RAB37: variants seen among roughly 807,000 people sequenced by gnomAD.
The protein encoded by RAB37 is ras-related protein Rab-37.
RAB37 carries 29 observed loss-of-function variants against 33.1 expected under a neutral mutation model. That is an observed-to-expected ratio of 0.88 (90% confidence interval 0.65 to 1.20). RAB37 has a LOEUF of 1.20. Ranked by LOEUF, RAB37 falls within the 50% of genes most tolerant of loss-of-function variation. The pLI, the probability that RAB37 is intolerant of heterozygous loss-of-function variation, is 0.00. For synonymous variants in RAB37, 128 were observed against 119.5 expected (o/e 1.07, Z -0.47); for missense variants, 299 against 301.1 (o/e 0.99, Z 0.05).
intron 1 of RAB37, among the ~76,000 whole-genome samples, chr17:74,674,403 G>T (rs1198076147): frequency 6.6e-6 from 1 of 150,622 alleles, no homozygotes; most frequent in African/African-American, 2.4e-5. Context: ...TTTTTAAATA[G>T]ACTTGTTATT....
At chr17:74,722,816 T>G (rs2034259196) in intron 1 of RAB37, among the ~76,000 whole-genome samples, 1 of 152,208 alleles carries the variant, frequency 6.6e-6, no homozygotes, top group Non-Finnish European at 1.5e-5. Context: ...CCAAAACATT[T>G]TTATTGCAGC....
intron 1 of RAB37, among the ~76,000 whole-genome samples, chr17:74,703,318 T>A (rs1203263904): frequency 6.6e-6 from 1 of 152,014 alleles, no homozygotes; most frequent in South Asian, 2.1e-4. Flanking sequence ...CAGAGCCTCA[T>A]AGGCAGGTGG....
intron 1 of RAB37, among the ~76,000 whole-genome samples, chr17:74,688,790 G>C (rs149519223): frequency 1.3e-5 from 2 of 152,234 alleles, no homozygotes; most frequent in African/African-American, 2.4e-5. Context: ...GAAAGATTTT[G>C]CAATCAGGTG....
chr17:74,695,328 G>A, intron 1 of RAB37: 1 of 1,537,970 alleles, frequency 6.5e-7, no homozygotes, highest in Non-Finnish European at 8.9e-7. Flanking sequence ...CCTCGGAGGA[G>A]GATAGTGGGG....
rs1221733219 is a variant in RAB37, at chr17:74,745,524, C to T, written c.*113C>T. 2 of 814,828 alleles carry T rather than the reference C, an allele frequency of 2.5e-6. No homozygotes were observed. Among genetic ancestry groups the T allele is most frequent in the Admixed American group, 2.2e-5 (1 of 45,056 alleles). 50.5% of individuals were successfully genotyped at this position (814,828 alleles called of 1,614,324 possible). ...AATGGGGAGAAAGATGGAGGACTCACTGCACAGCCGCTTCCTAGCAGGGAG... is the reference window on the plus strand; with the variant it reads ...AATGGGGAGAAAGATGGAGGACTCATTGCACAGCCGCTTCCTAGCAGGGAG... On this transcript the variant is annotated 3_prime_UTR_variant, in exon 9 of 9. Coordinates refer to ENST00000392613, the MANE Select transcript of RAB37 (RefSeq NM_001006638.3). This position sits in a 1 kb window ranked among gnomAD's most constrained non-coding sequence, Gnocchi z 4.5.
In RAB37 at chr17:74,746,162, C is replaced by T. The variant is rs1290358324; in HGVS notation, c.*751C>T. 6.6e-6 allele frequency: 1 copy of T among 152,232 alleles called. No individual in the cohort carries two copies. The highest frequency in any genetic ancestry group is 2.4e-5 in the African/African-American group (1 of 41,442). The allele number at this position is 152,232 out of a possible 1,614,324, so 9.4% of individuals were successfully genotyped here. On this transcript the variant is annotated 3_prime_UTR_variant, in exon 9 of 9. Transcript: ENST00000392613. This position sits in a 1 kb window ranked among gnomAD's most constrained non-coding sequence, Gnocchi z 5.2. ...GGGAGCCCCTCCCCCCCCTGAATCC[C>T]TGGCTTAGCTACCTTCCTGCCTGTG...
intron 2 of RAB37, among the ~76,000 whole-genome samples, chr17:74,741,664 C>T (rs1489674841): frequency 2.6e-5 from 4 of 151,560 alleles, no homozygotes; most frequent in South Asian, 2.1e-4. Flanking sequence ...CTCACCTTGA[C>T]GACTCCATCT....
chr17:74,695,925 G>A lies in RAB37; in HGVS notation c.72+24267G>A, dbSNP rs145437290. ...CTGTGGACACAGGTTCCTTTTCCAC[G>A]GTGGGACGGGACGAGAGCCTCTCCA... is the stretch of plus-strand genomic sequence containing the variant. On this transcript the variant is annotated intron_variant, in intron 1 of 7. Transcript: ENST00000340415. 1.3e-4 allele frequency: 200 copies of A among 1,552,308 alleles called. 2 individuals carry two copies. The East Asian group carries it at 4.1e-3, about 32-fold the overall frequency.
intron 1 of RAB37, among the ~76,000 whole-genome samples, chr17:74,727,343 A>G (rs1555592908): frequency 1.3e-5 from 2 of 152,248 alleles, no homozygotes; most frequent in Non-Finnish European, 2.9e-5. Context: ...TGTGAGAGAA[A>G]TAGAGTAGGT....
At chr17:74,707,618 G>A (rs919689036) in intron 1 of RAB37, among the ~76,000 whole-genome samples, 1 of 152,040 alleles carries the variant, frequency 6.6e-6, no homozygotes, top group Non-Finnish European at 1.5e-5. Context: ...GGGAGGCTGA[G>A]GTGGGAGAAT....
chr17:74,731,750 G>A (rs1183981252), intron 2 of RAB37, among the ~76,000 whole-genome samples: 1 of 152,164 alleles, frequency 6.6e-6, no homozygotes, highest in African/African-American at 2.4e-5. Context: ...GCTCACACCT[G>A]TAATCCCAGC....
rs2034362142 is a variant in RAB37 at position 74,729,773 on chromosome 17, G to A, written c.183+407G>A. Among the ~76,000 whole-genome samples the A allele has an allele frequency of 6.6e-6, 1 of 152,052 alleles. No homozygotes were observed. The highest frequency in any genetic ancestry group is 1.5e-5 in the Non-Finnish European group (1 of 68,014). ...TCCTCCTGCTCCCCATCTCCTTCTG[G>A]GGCTCCACATTGGATGAACGCAAGT... On this transcript the variant is annotated intron_variant, in intron 2 of 7. Coordinates refer to the RAB37 transcript ENST00000340415. This position sits in a 1 kb window ranked among gnomAD's most constrained non-coding sequence, Gnocchi z 4.2.
At chr17:74,695,086 G>A in intron 1 of RAB37, 6 of 1,610,494 alleles carry the variant, frequency 3.7e-6, no homozygotes, top group Non-Finnish European at 5.1e-6. Flanking sequence ...GAAGGAGCCT[G>A]GAGTGCAGGC....
chr17:74,734,312 G>T (rs921233375), upstream of RAB37, among the ~76,000 whole-genome samples: 1 of 152,146 alleles, frequency 6.6e-6, no homozygotes, highest in African/African-American at 2.4e-5. Flanking sequence ...TATGACACCG[G>T]TCATACTGGA....
chr17:74,697,483 T>G (rs2032607321), intron 1 of RAB37, among the ~76,000 whole-genome samples: 1 of 152,168 alleles, frequency 6.6e-6, no homozygotes, highest in Non-Finnish European at 1.5e-5. Flanking sequence ...GCTCTAATTT[T>G]GAAAAAGCAT....
At chr17:74,688,484 C>T (rs1212212935) in intron 1 of RAB37, among the ~76,000 whole-genome samples, 1 of 149,554 alleles carries the variant, frequency 6.7e-6, no homozygotes, top group Non-Finnish European at 1.5e-5. Context: ...ACCTGGGAGG[C>T]TGAGGTTGCA....
At chr17:74,732,488 G>T (rs940884167), upstream of RAB37, among the ~76,000 whole-genome samples, 5 of 149,564 alleles carry the variant, frequency 3.3e-5, no homozygotes, top group Admixed American at 3.3e-4. Flanking sequence ...GTGTGGTGAG[G>T]TGATTTGAGG....
At chr17:74,692,088 G>A (rs926539005) in intron 1 of RAB37, among the ~76,000 whole-genome samples, 10 of 151,778 alleles carry the variant, frequency 6.6e-5, no homozygotes, top group East Asian at 1.9e-4. Flanking sequence ...GGATGGTCTC[G>A]ATCTCCTGAC....
chr17:74,687,195 TTTTA>T (rs1405733244), intron 1 of RAB37, among the ~76,000 whole-genome samples: 3 of 151,754 alleles, frequency 2.0e-5, no homozygotes, highest in Admixed American at 6.6e-5. Flanking sequence ...ATTCAGTTTA[TTTTA>T]TTTATTTATT....
Sources: gnomAD v4.1 joint callset for allele counts (sites outside exome capture counted in the v4.1 genomes callset) on GRCh38, gnomAD v4.1.1 for gene constraint, Gnocchi (gnomAD v3.1) non-coding constraint, MANE v1.5 for transcripts, NCBI Gene and HGNC (gene_info 2026-07-23, HGNC 2026-07-21) for gene names.